The following PRR5 variants were observed in gnomAD, a reference collection of about 807,000 sequenced individuals.
The protein encoded by PRR5 is proline-rich protein 5.
PRR5 carries 25 observed loss-of-function variants against 30.6 expected under a neutral mutation model. That is an observed-to-expected ratio of 0.82 (90% confidence interval 0.60 to 1.14). PRR5 has a LOEUF of 1.14. PRR5 is among the 50% of genes most tolerant of loss of function. PRR5 has a pLI of 0.00. For missense variants in PRR5, 600 were observed against 547.1 expected (o/e 1.10, Z -0.96); for synonymous variants, 286 against 247.1 (o/e 1.16, Z -1.48).
intron 1 of PRR5, among the ~76,000 whole-genome samples, chr22:44,710,182 C>G (rs2147055129): frequency 6.6e-6 from 1 of 152,280 alleles, no homozygotes; most frequent in East Asian, 1.9e-4. Context: ...CCCCTAGGGC[C>G]TCAGCCCTTC....
chr22:44,705,117 A>G (rs5765917), intron 1 of PRR5, among the ~76,000 whole-genome samples: 29,285 of 151,952 alleles, frequency 0.19, 3,622 homozygotes, highest in East Asian at 0.42. Context: ...AAGACCACAA[A>G]CTCGGTGGCC....
chr22:44,735,901 G>A (rs1923146576), intron 7 of PRR5, among the ~76,000 whole-genome samples: 1 of 152,216 alleles, frequency 6.6e-6, no homozygotes, highest in Non-Finnish European at 1.5e-5. Flanking sequence ...CCTGGCTGCT[G>A]GAGAACTTTG....
At chr22:44,675,566 T>C (rs1319696997), upstream of PRR5, among the ~76,000 whole-genome samples, 2 of 152,140 alleles carry the variant, frequency 1.3e-5, no homozygotes, top group African/African-American at 2.4e-5. Flanking sequence ...ACATGCACAA[T>C]GACGTGGAAA....
intron 1 of PRR5, among the ~76,000 whole-genome samples, chr22:44,686,291 T>C (rs1019773424): frequency 1.3e-5 from 2 of 151,972 alleles, no homozygotes; most frequent in Non-Finnish European, 2.9e-5. Flanking sequence ...ATTGGGCACC[T>C]GGCTTTCACA....
At chr22:44,722,547 C>T (rs1930095969) in intron 2 of PRR5, among the ~76,000 whole-genome samples, 1 of 152,244 alleles carries the variant, frequency 6.6e-6, no homozygotes, top group African/African-American at 2.4e-5. Context: ...CCAGATTCCA[C>T]ACCCCATGGC....
chr22:44,681,186 C>G (rs543262955), intron 1 of PRR5, among the ~76,000 whole-genome samples: 1 of 152,298 alleles, frequency 6.6e-6, no homozygotes, highest in East Asian at 1.9e-4. Context: ...CACATGCCTG[C>G]CACATAGTAG....
Position 44,702,359 on chromosome 22 carries a change from C to T in PRR5, c.-116C>T. 1.7e-6 allele frequency: 2 copies of T among 1,185,948 alleles called. No homozygotes were observed. The highest frequency in any genetic ancestry group is 3.7e-5 in the East Asian group (1 of 27,136). The allele number at this position is 1,185,948 out of a possible 1,614,324, so 73.5% of individuals were successfully genotyped here. A position where few individuals can be genotyped will look rare whatever the true frequency, so the allele number is the denominator to read the frequency against. On this transcript the variant is annotated 5_prime_UTR_variant, in exon 1 of 8. Transcript: ENST00000336985. ...CCCCGCAGGACCGCTCGGCTTCCTG[C>T]TCTCGCCGGAGTTTCCGCGTAGAGG...
At chr22:44,672,515 C>T (rs1303658040), upstream of PRR5, among the ~76,000 whole-genome samples, 1 of 152,192 alleles carries the variant, frequency 6.6e-6, no homozygotes, top group African/African-American at 2.4e-5. Context: ...ACCCAGGAGG[C>T]AGAGGCTGTA....
chr22:44,735,326 T>C (rs911025690), intron 7 of PRR5, among the ~76,000 whole-genome samples, 164 bp downstream of exon 7: 2 of 152,136 alleles, frequency 1.3e-5, no homozygotes, highest in Admixed American at 1.3e-4. Flanking sequence ...GGCCTGGACG[T>C]GGGGATCCGT....
chr22:44,678,290 T>TTGTC lies in PRR5; in HGVS notation c.-11+1051_-11+1054dup, dbSNP rs1361700144. On this transcript the variant is annotated intron_variant, in intron 1 of 8. Transcript: ENST00000006251. ...TTCCTATGCCTAGTCTGATTTTTTT[T>TTGTC]TGTCGTCCTTCACCTGCTGGGCTTC... Among the ~76,000 whole-genome samples, 2 of 152,038 alleles carry TTGTC rather than the reference T, an allele frequency of 1.3e-5. 1 individual carries two copies.
At chr22:44,710,026 C>A (rs1035811309) in intron 1 of PRR5, among the ~76,000 whole-genome samples, 2 of 152,182 alleles carry the variant, frequency 1.3e-5, no homozygotes, top group Non-Finnish European at 2.9e-5. Context: ...CCCTACCCGC[C>A]GCCCCTCCCA....
At chr22:44,708,081 C>T (rs868736698) in intron 1 of PRR5, among the ~76,000 whole-genome samples, 1 of 152,104 alleles carries the variant, frequency 6.6e-6, no homozygotes, top group Non-Finnish European at 1.5e-5. Context: ...TGCCTGTAAT[C>T]CCAGCTACTT....
chr22:44,712,706 G>A (rs1472563550), intron 1 of PRR5, among the ~76,000 whole-genome samples: 1 of 152,182 alleles, frequency 6.6e-6, no homozygotes, highest in Non-Finnish European at 1.5e-5. Flanking sequence ...TGTGGTGTGG[G>A]CAGCATCGTG....
At chr22:44,671,925 A>G (rs1923451551) in intron 1 of PRR5, among the ~76,000 whole-genome samples, 1 of 152,238 alleles carries the variant, frequency 6.6e-6, no homozygotes, top group African/African-American at 2.4e-5. Context: ...TGAGTTGTGT[A>G]AAGTAGTGAT....
At chr22:44,695,732 G>A (rs1463760104) in intron 1 of PRR5, among the ~76,000 whole-genome samples, 1 of 151,498 alleles carries the variant, frequency 6.6e-6, no homozygotes, top group East Asian at 2.0e-4. Flanking sequence ...CTCAGTATCT[G>A]GGATTACAGA....
At chr22:44,687,392 C>T (rs1024252696) in intron 1 of PRR5, among the ~76,000 whole-genome samples, 1 of 152,182 alleles carries the variant, frequency 6.6e-6, no homozygotes, top group African/African-American at 2.4e-5. Flanking sequence ...CAGCCTACGG[C>T]TGTCACAGGC....
At position 44,727,789 on chromosome 22, in the gene PRR5, G is replaced by T. The variant is rs1456641602; in HGVS notation, c.322+1155G>T. Among the ~76,000 whole-genome samples the T allele has an allele frequency of 2.6e-5, 4 of 152,178 alleles. No homozygotes were observed. The East Asian group carries it at 7.7e-4, about 29-fold the overall frequency. ...GGGGACCTTGGAGCTGCGTGTCATG[G>T]TCCTTCCTCACGTCCACTGAACATG... On this transcript the variant is annotated intron_variant, in intron 4 of 7. Coordinates refer to ENST00000336985, the MANE Select transcript of PRR5 (RefSeq NM_181333.4).
chr22:44,689,529 C>T (rs1925054318), intron 1 of PRR5, among the ~76,000 whole-genome samples: 1 of 152,332 alleles, frequency 6.6e-6, no homozygotes, highest in Non-Finnish European at 1.5e-5. Context: ...CAAGTGTGTT[C>T]AAGGACTGAG....
chr22:44,706,600 G>T (rs1006760695), intron 1 of PRR5, among the ~76,000 whole-genome samples: 1 of 152,156 alleles, frequency 6.6e-6, no homozygotes, highest in African/African-American at 2.4e-5. Context: ...CACAATCATG[G>T]CTCAGGCAGC....
Sources: allele counts gnomAD v4.1 joint callset (sites outside exome capture counted in the v4.1 genomes callset), GRCh38; gene constraint gnomAD v4.1.1; transcripts MANE v1.5; gene names NCBI Gene and HGNC (gene_info 2026-07-23, HGNC 2026-07-21).